The following AGR3 variants were observed in gnomAD, a reference collection of about 807,000 sequenced individuals.
The protein encoded by AGR3 is anterior gradient 3, protein disulphide isomerase family member, also known as anterior gradient protein 3.
A neutral mutation model predicts 24.5 loss-of-function variants in AGR3; 37 were observed. That is an observed-to-expected ratio of 1.51 (90% CI 1.16 to 1.99). The LOEUF is 1.99. Among genes scored for constraint, AGR3 ranks in the 30% most tolerant of loss-of-function variants. The pLI is 0.00. For missense variants in AGR3, 228 were observed against 191.1 expected (o/e 1.19, Z -1.14); for synonymous variants, 75 against 61.6 (o/e 1.22, Z -1.02).
intron 2 of AGR3, among the ~76,000 whole-genome samples, chr7:16,874,495 A>G (rs189836934): frequency 2.0e-5 from 3 of 152,188 alleles, no homozygotes; most frequent in Non-Finnish European, 2.9e-5. Flanking sequence ...GAATGTGTAT[A>G]AGCAATTAAA....
At chr7:16,861,288 A>G in intron 6 of AGR3, 96 bp downstream of exon 6, 1 of 919,784 alleles carries the variant, frequency 1.1e-6, no homozygotes. Flanking sequence ...CTTCTCTTTA[A>G]AAAGAATAGT....
rs551121577 is a variant in AGR3, at chr7:16,863,174, T to C, written c.174-512A>G. Reference sequence around the variant, plus strand: ...AGGAATCTGTAGCTTAACAAACTTATTAGGTAATTCTTATGTACTCTATAG... The same window carrying C: ...AGGAATCTGTAGCTTAACAAACTTACTAGGTAATTCTTATGTACTCTATAG... On this transcript the variant is annotated intron_variant, in intron 3 of 7. Coordinates refer to ENST00000310398, the MANE Select transcript of AGR3 (RefSeq NM_176813.5). Among the ~76,000 whole-genome samples, 3 of 152,342 alleles carry C rather than the reference T, an allele frequency of 2.0e-5. No individual in the cohort carries two copies. The South Asian group carries it at 6.2e-4, about 32-fold the overall frequency.
chr7:16,878,107 A>G (rs1007211569), intron 2 of AGR3, among the ~76,000 whole-genome samples: 4 of 146,568 alleles, frequency 2.7e-5, no homozygotes, highest in African/African-American at 1.0e-4. Context: ...CTTATATAAA[A>G]TTATTCCAAT....
chr7:16,876,990 G>A (rs535230850), intron 2 of AGR3, among the ~76,000 whole-genome samples: 9 of 152,110 alleles, frequency 5.9e-5, no homozygotes, highest in African/African-American at 2.2e-4. Context: ...TATACAGAGA[G>A]ATAGAGTTAT....
chr7:16,855,520 C>T (rs1465869272), downstream of AGR3, among the ~76,000 whole-genome samples: 5 of 152,146 alleles, frequency 3.3e-5, no homozygotes, highest in East Asian at 1.9e-4. Flanking sequence ...ACAATTCTGT[C>T]GCCCTCCTAA....
At chr7:16,877,823 A>G (rs1242982415) in intron 2 of AGR3, among the ~76,000 whole-genome samples, 1 of 149,792 alleles carries the variant, frequency 6.7e-6, no homozygotes, top group Non-Finnish European at 1.5e-5. Flanking sequence ...AGATCGTGCC[A>G]CTACACTCCA....
downstream of AGR3, among the ~76,000 whole-genome samples, chr7:16,855,170 G>T (rs1781539210): frequency 6.6e-6 from 1 of 152,038 alleles, no homozygotes; most frequent in Non-Finnish European, 1.5e-5. Context: ...ACTGTATATT[G>T]TTGGTTACTA....
intron 3 of AGR3, chr7:16,864,308 C>T: frequency 1.5e-6 from 2 of 1,358,512 alleles, no homozygotes; most frequent in Non-Finnish European, 2.1e-6. Context: ...ATATTTTCTT[C>T]CACGTCTCCT....
At chr7:16,861,058 T>A (rs1781632453) in intron 6 of AGR3, among the ~76,000 whole-genome samples, 1 of 151,862 alleles carries the variant, frequency 6.6e-6, no homozygotes, top group South Asian at 2.1e-4. Context: ...TAAGCAAAAT[T>A]AGTTTTCATA....
At chr7:16,870,546 G>A (rs1480053588) in intron 3 of AGR3, among the ~76,000 whole-genome samples, 3 of 151,900 alleles carry the variant, frequency 2.0e-5, no homozygotes, top group Admixed American at 2.0e-4. Context: ...GAATGCTGTT[G>A]TTGGGATTAA....
intron 2 of AGR3, among the ~76,000 whole-genome samples, chr7:16,877,301 A>ATGT (rs35037272): frequency 2.1e-5 from 3 of 140,036 alleles, no homozygotes; most frequent in Non-Finnish European, 4.7e-5. Flanking sequence ...TATAATATAT[A>ATGT]GTATATATAA....
intron 2 of AGR3, 60 bp downstream of exon 2, chr7:16,878,450 A>G: frequency 7.0e-7 from 1 of 1,435,402 alleles, no homozygotes; most frequent in Non-Finnish European, 9.8e-7. Flanking sequence ...TGAAGACACC[A>G]GATATTTTAA....
At chr7:16,859,291 G>A (rs79610375), downstream of AGR3, 912 of 222,802 alleles carry the variant, frequency 4.1e-3, 8 homozygotes, top group African/African-American at 0.019. Context: ...GTGAAGGAGA[G>A]GTGAAGAAAT....
At chr7:16,873,586 A>G in intron 3 of AGR3, 194 bp downstream of exon 3, 3 of 566,102 alleles carry the variant, frequency 5.3e-6, no homozygotes, top group Non-Finnish European at 6.3e-6. Flanking sequence ...TTAAAAAGCT[A>G]GTAGAGAGGA....
chr7:16,865,654 A>G (rs978494602), intron 3 of AGR3: 10 of 792,636 alleles, frequency 1.3e-5, no homozygotes, highest in Non-Finnish European at 1.8e-5. Flanking sequence ...TCTTCTTATC[A>G]GTTCTCAGAT....
At chr7:16,863,196 A>G (rs1339609155) in intron 3 of AGR3, among the ~76,000 whole-genome samples, 1 of 152,254 alleles carries the variant, frequency 6.6e-6, no homozygotes, top group African/African-American at 2.4e-5. Flanking sequence ...TATGTACTCT[A>G]TAGTGCAGTT....
At chr7:16,873,088 C>T (rs935743229) in intron 3 of AGR3, among the ~76,000 whole-genome samples, 5 of 152,092 alleles carry the variant, frequency 3.3e-5, no homozygotes, top group Admixed American at 6.5e-5. Flanking sequence ...ATCCAGCTTT[C>T]CTACTACTGA....
intron 6 of AGR3, among the ~76,000 whole-genome samples, chr7:16,860,827 A>G (rs749315174): frequency 5.3e-5 from 8 of 151,854 alleles, no homozygotes; most frequent in Admixed American, 1.3e-4. Flanking sequence ...TGGAGTTCCT[A>G]TTGTCTATTT....
chr7:16,874,027 G>A (rs1173309982), intron 2 of AGR3, among the ~76,000 whole-genome samples, 184 bp from the exon 3 acceptor site: 1 of 152,202 alleles, frequency 6.6e-6, no homozygotes, highest in Non-Finnish European at 1.5e-5. Flanking sequence ...TTAGATTGCA[G>A]TACTGAGGTT....
Sources: gnomAD v4.1 joint callset for allele counts (sites outside exome capture counted in the v4.1 genomes callset) on GRCh38, gnomAD v4.1.1 for gene constraint, MANE v1.5 for transcripts, NCBI Gene and HGNC (gene_info 2026-07-23, HGNC 2026-07-21) for gene names.